The following MLLT10 variants were observed in gnomAD, a reference collection of about 807,000 sequenced individuals.
MLLT10 encodes the protein MLLT10 histone lysine methyltransferase DOT1L cofactor.
A neutral mutation model predicts 129.1 loss-of-function variants in MLLT10; 30 were observed. The ratio of observed to expected loss-of-function variants is 0.23; its 90% CI spans 0.17 to 0.32. The LOEUF (loss-of-function observed/expected upper bound fraction) is 0.32. Among genes scored for constraint, MLLT10 ranks in the 10% least tolerant of loss-of-function variants. The pLI is 1.00. For synonymous variants in MLLT10, 490 were observed against 446.4 expected, an observed-to-expected ratio of 1.10 and a Z score of -1.23; for missense variants, 1,119 against 1,268.3, an observed-to-expected ratio of 0.88 and a Z score of 1.79.
At chr10:21,597,168 TA>T (rs2043101497) in intron 5 of MLLT10, among the ~76,000 whole-genome samples, 2 of 152,160 alleles carry the variant, frequency 1.3e-5, no homozygotes, top group African/African-American at 4.8e-5. Context: ...ACCAATATAA[TA>T]TGCTGTCACC....
At chr10:21,560,164 C>T (rs559709973) in intron 3 of MLLT10, among the ~76,000 whole-genome samples, 10 of 152,104 alleles carry the variant, frequency 6.6e-5, no homozygotes, top group Non-Finnish European at 1.5e-4. Flanking sequence ...CGCCACCACA[C>T]CCGGCTAATT....
At chr10:21,691,583 T>C (rs1203111606) in intron 13 of MLLT10, among the ~76,000 whole-genome samples, 1 of 152,122 alleles carries the variant, frequency 6.6e-6, no homozygotes, top group Non-Finnish European at 1.5e-5. Context: ...ATGTTGCCAA[T>C]AGTAGAAAAT....
intron 8 of MLLT10, among the ~76,000 whole-genome samples, chr10:21,630,208 A>G (rs2046871645): frequency 6.6e-6 from 1 of 152,220 alleles, no homozygotes; most frequent in South Asian, 2.1e-4. Flanking sequence ...AGTGTTTAAA[A>G]TAATGGATCA....
At chr10:21,689,641 T>TTTTA (rs1554850209) in intron 13 of MLLT10, among the ~76,000 whole-genome samples, 5 of 131,994 alleles carry the variant, frequency 3.8e-5, no homozygotes, top group African/African-American at 8.4e-5. Flanking sequence ...ACACACACAT[T>TTTTA]TATATATATA....
At chr10:21,635,168 G>T (rs2047345700) in intron 8 of MLLT10, among the ~76,000 whole-genome samples, 2 of 152,104 alleles carry the variant, frequency 1.3e-5, no homozygotes. Context: ...TCTCAAATTG[G>T]CTCTCAGTGC....
At chr10:21,549,354 C>T (rs2036605319) in intron 3 of MLLT10, among the ~76,000 whole-genome samples, 1 of 152,090 alleles carries the variant, frequency 6.6e-6, no homozygotes, top group Non-Finnish European at 1.5e-5. Flanking sequence ...TCGTCATCCG[C>T]CCGCCTTGGC....
chr10:21,708,496 A>G (rs1373682423), intron 13 of MLLT10: 1 of 879,870 alleles, frequency 1.1e-6, no homozygotes, highest in Non-Finnish European at 1.4e-6. Context: ...TTTCATTTTC[A>G]AAGAAAGATT....
intron 5 of MLLT10, among the ~76,000 whole-genome samples, chr10:21,609,064 A>G (rs929884430): frequency 2.6e-5 from 4 of 151,914 alleles, no homozygotes; most frequent in African/African-American, 4.8e-5. Context: ...TCTGAAGTCT[A>G]TTTTTCCAAT....
chr10:21,538,900 A>G lies in MLLT10; in HGVS notation c.228A>G (p.Arg76=), dbSNP rs2034575119. The G allele has an allele frequency of 1.2e-6, 2 of 1,612,522 alleles. No individual in the cohort carries two copies. Among genetic ancestry groups the G allele is most frequent in the Admixed American group, 1.7e-5 (1 of 59,998 alleles). Residue 76 remains arginine, a synonymous_variant, in exon 3 of 23, where the codon AGA becomes AGG. Transcript: ENST00000307729. ...GCAGGAAATGTGAATCTCAGGAGAGAGCAGCCAGAGTGGTAAGGACTATTT... is the reference window on the plus strand; with the variant it reads ...GCAGGAAATGTGAATCTCAGGAGAGGGCAGCCAGAGTGGTAAGGACTATTT... The part of the protein sequence containing the change: ...WFCRKCESQE[R]AARVRCELCP...
intron 21 of MLLT10, 21 bp from the exon 22 acceptor site, chr10:21,740,009 C>G: frequency 6.4e-7 from 1 of 1,565,328 alleles, no homozygotes; most frequent in Non-Finnish European, 8.7e-7. Flanking sequence ...CTCATTTTCT[C>G]TCACATGTTT....
At chr10:21,647,892 T>TG (rs1018123019) in intron 8 of MLLT10, among the ~76,000 whole-genome samples, 8 of 151,986 alleles carry the variant, frequency 5.3e-5, no homozygotes, top group South Asian at 4.2e-4. Context: ...TTTTATTTTT[T>TG]GGGGGGGAGG....
At chr10:21,627,214 T>C (rs1478347540) in intron 8 of MLLT10, among the ~76,000 whole-genome samples, 1 of 152,168 alleles carries the variant, frequency 6.6e-6, no homozygotes, top group Non-Finnish European at 1.5e-5. Context: ...ACTCTCTTTC[T>C]CCTCTACTCT....
chr10:21,587,522 A>G (rs1365827480), intron 4 of MLLT10, among the ~76,000 whole-genome samples: 1 of 151,218 alleles, frequency 6.6e-6, no homozygotes, highest in Non-Finnish European at 1.5e-5. Flanking sequence ...CTCCACTTTC[A>G]GTTATCTTTG....
At chr10:21,719,381 C>G (rs1375340663) in intron 14 of MLLT10, among the ~76,000 whole-genome samples, 2 of 152,086 alleles carry the variant, frequency 1.3e-5, no homozygotes, top group Non-Finnish European at 2.9e-5. Context: ...TTTTCATAAC[C>G]TTGGTAACAT....
At chr10:21,614,000 C>T (rs761332000) in intron 6 of MLLT10, among the ~76,000 whole-genome samples, 17 of 151,618 alleles carry the variant, frequency 1.1e-4, no homozygotes, top group Non-Finnish European at 1.5e-5. Context: ...GTGGGAGGAT[C>T]GCTTGAGTTA....
chr10:21,614,309 A>G lies in MLLT10; in HGVS notation c.510-522A>G, dbSNP rs11012755. On this transcript the variant is annotated intron_variant, in intron 6 of 22. Coordinates refer to ENST00000307729, the MANE Select transcript of MLLT10 (RefSeq NM_001195626.3). ...TGCTTTTTACTGAAAAGCACAATTT[A>G]TGTTTATCTCGCTTATTGTGCTGTG... Among the ~76,000 whole-genome samples, 21 of 148,254 alleles carry G rather than the reference A, an allele frequency of 1.4e-4. No individual in the cohort carries two copies. In the East Asian group the frequency reaches 1.6e-3, roughly 11 times the overall value.
chr10:21,615,007 T>TAACA, intron 7 of MLLT10, 83 bp downstream of exon 7: 2 of 1,125,744 alleles, frequency 1.8e-6, no homozygotes, highest in Non-Finnish European at 2.5e-6. Context: ...AAAAAGCATA[T>TAACA]AACAGTTCCT....
intron 21 of MLLT10, 23 bp from the exon 22 acceptor site, chr10:21,740,007 C>T (rs780376148): frequency 1.3e-6 from 2 of 1,561,270 alleles, no homozygotes; most frequent in South Asian, 2.3e-5. Flanking sequence ...AACTCATTTT[C>T]TCTCACATGT....
intron 8 of MLLT10, among the ~76,000 whole-genome samples, chr10:21,650,553 T>A (rs191453799): frequency 1.8e-3 from 267 of 152,064 alleles, no homozygotes; most frequent in African/African-American, 6.2e-3. Flanking sequence ...CTTTTTAGGA[T>A]GACAGAGATA....
Sources: allele counts gnomAD v4.1 joint callset (sites outside exome capture counted in the v4.1 genomes callset), GRCh38; gene constraint gnomAD v4.1.1; transcripts MANE v1.5; gene names NCBI Gene and HGNC (gene_info 2026-07-23, HGNC 2026-07-21).